FTO: variants seen among roughly 807,000 people sequenced by gnomAD.
The protein encoded by FTO is FTO alpha-ketoglutarate dependent dioxygenase.
Under a neutral mutation model 63.9 loss-of-function variants are expected in FTO, and 47 were observed. The observed-to-expected ratio is 0.74, with a 90% CI of 0.58 to 0.94. The LOEUF (loss-of-function observed/expected upper bound fraction) is 0.94, where lower values mean the gene tolerates loss of function less well. FTO is among the 40% of genes least tolerant of loss of function. FTO has a pLI of 0.00. For synonymous variants in FTO, 207 were observed against 224.4 expected (o/e 0.92, Z 0.69); for missense variants, 562 against 618.1 (o/e 0.91, Z 0.96).
At chr16:54,054,193 C>T (rs982909132) in intron 8 of FTO, among the ~76,000 whole-genome samples, 1 of 152,138 alleles carries the variant, frequency 6.6e-6, no homozygotes, top group African/African-American at 2.4e-5. Flanking sequence ...CTACGAGTCC[C>T]AGGTCTGCGC....
At chr16:54,037,849 A>G (rs181980666) in intron 8 of FTO, among the ~76,000 whole-genome samples, 2 of 152,372 alleles carry the variant, frequency 1.3e-5, no homozygotes, top group East Asian at 1.9e-4. Flanking sequence ...ACGTATGCAT[A>G]TATCAACTAG....
At chr16:53,909,532 CTTTTTTTTTTTTT>C (rs58121446) in intron 7 of FTO, among the ~76,000 whole-genome samples, 1 of 71,184 alleles carries the variant, frequency 1.4e-5, no homozygotes, top group Non-Finnish European at 2.6e-5. Flanking sequence ...AGAGCCCCGC[CTTTTTTTTTTTTT>C]TTTTTTTTTT....
chr16:53,969,416 G>T (rs1213678445), intron 8 of FTO, among the ~76,000 whole-genome samples: 1 of 152,138 alleles, frequency 6.6e-6, no homozygotes, highest in Non-Finnish European at 1.5e-5. Context: ...GCCTTCACTA[G>T]ATCAGACATG....
At chr16:54,055,710 C>G (rs2085415965) in intron 8 of FTO, among the ~76,000 whole-genome samples, 1 of 152,004 alleles carries the variant, frequency 6.6e-6, no homozygotes, top group Admixed American at 6.6e-5. Flanking sequence ...AAATGTATGC[C>G]CATGTCTATT....
At chr16:54,023,804 T>C (rs1183203166) in intron 8 of FTO, among the ~76,000 whole-genome samples, 1 of 152,190 alleles carries the variant, frequency 6.6e-6, no homozygotes, top group African/African-American at 2.4e-5. Flanking sequence ...TTCACCATGG[T>C]CCCACTCTCC....
intron 8 of FTO, among the ~76,000 whole-genome samples, chr16:54,037,214 G>A (rs544258648): frequency 1.3e-5 from 2 of 152,254 alleles, no homozygotes; most frequent in African/African-American, 4.8e-5. Flanking sequence ...AGGCCACCCC[G>A]AGCGAGCATG....
chr16:53,758,142 A>G (rs1045236503), intron 1 of FTO, among the ~76,000 whole-genome samples: 2 of 152,220 alleles, frequency 1.3e-5, no homozygotes, highest in African/African-American at 4.8e-5. Context: ...CTCTCAGTCT[A>G]GAGGAGACAG....
intron 8 of FTO, among the ~76,000 whole-genome samples, chr16:54,061,953 C>A (rs1558687): frequency 6.6e-6 from 1 of 151,790 alleles, no homozygotes; most frequent in East Asian, 1.9e-4. Context: ...AAGTTCCTGG[C>A]GGCAATAAAA....
intron 2 of FTO, among the ~76,000 whole-genome samples, chr16:53,825,164 T>C (rs550022659): frequency 6.6e-5 from 10 of 152,212 alleles, no homozygotes; most frequent in Non-Finnish European, 1.3e-4. Flanking sequence ...AAAATTGCCA[T>C]GGCTTTTGTG....
intron 3 of FTO, among the ~76,000 whole-genome samples, chr16:53,838,370 G>T (rs2079365283): frequency 6.6e-6 from 1 of 152,112 alleles, no homozygotes; most frequent in Non-Finnish European, 1.5e-5. Context: ...GAGTGCAGTG[G>T]CACTATCTTG....
chr16:53,746,386 T>C (rs868838227), intron 1 of FTO, among the ~76,000 whole-genome samples: 2 of 152,284 alleles, frequency 1.3e-5, no homozygotes, highest in East Asian at 1.9e-4. Flanking sequence ...GACAGGTAAC[T>C]TGAGCAAGAC....
Position 54,111,955 on chromosome 16 carries a change from G to A in FTO, c.*40G>A, listed in dbSNP as rs1287405667. 2 of 1,610,988 alleles carry A rather than the reference G, an allele frequency of 1.2e-6. No homozygotes were observed. Among genetic ancestry groups the A allele is most frequent in the Non-Finnish European group, 8.5e-7 (1 of 1,177,760 alleles). Reference sequence around the variant, plus strand: ...TCAGGCGGAGGAGAAAAAGAGATCGGCTTTTCTCCTCCAACGTTGTCATGG... The same window carrying A: ...TCAGGCGGAGGAGAAAAAGAGATCGACTTTTCTCCTCCAACGTTGTCATGG... On this transcript the variant is annotated 3_prime_UTR_variant, in exon 9 of 9. Transcript: ENST00000471389.
intron 1 of FTO, among the ~76,000 whole-genome samples, chr16:53,802,584 G>A (rs984072383): frequency 6.6e-6 from 1 of 151,980 alleles, no homozygotes; most frequent in Non-Finnish European, 1.5e-5. Flanking sequence ...TTAAATCTGT[G>A]GATTGATGGT....
intron 3 of FTO, among the ~76,000 whole-genome samples, chr16:53,838,870 A>G (rs2079383656): frequency 6.6e-6 from 1 of 152,056 alleles, no homozygotes; most frequent in Admixed American, 6.6e-5. Flanking sequence ...ATTTAAATGT[A>G]TGGTGATGAT....
At chr16:53,845,675 T>C (rs1255738623) in intron 4 of FTO, among the ~76,000 whole-genome samples, 4 of 152,216 alleles carry the variant, frequency 2.6e-5, no homozygotes, top group Non-Finnish European at 4.4e-5. Context: ...ACCAAAACAG[T>C]ACTAAGGGCC....
chr16:53,822,721 A>G (rs1348341294), intron 2 of FTO, among the ~76,000 whole-genome samples: 1 of 152,184 alleles, frequency 6.6e-6, no homozygotes, highest in South Asian at 2.1e-4. Context: ...ATATGCATAC[A>G]TATTTTAATA....
intron 1 of FTO, among the ~76,000 whole-genome samples, chr16:53,773,840 A>G (rs369852472): frequency 6.6e-6 from 1 of 152,206 alleles, no homozygotes; most frequent in South Asian, 2.1e-4. Flanking sequence ...AGAATGACAG[A>G]AAAATAAATG....
At chr16:53,924,989 C>T (rs778834874) in intron 7 of FTO, among the ~76,000 whole-genome samples, 2 of 150,952 alleles carry the variant, frequency 1.3e-5, no homozygotes, top group Non-Finnish European at 2.9e-5. Context: ...GACCTGAGAT[C>T]GACCTTTCTT....
chr16:54,009,215 G>A (rs906924550), intron 8 of FTO, among the ~76,000 whole-genome samples: 1 of 152,084 alleles, frequency 6.6e-6, no homozygotes, highest in African/African-American at 2.4e-5. Context: ...AAACTGTGGT[G>A]TTTGAACCTA....
Sources: allele counts gnomAD v4.1 joint callset (sites outside exome capture counted in the v4.1 genomes callset), GRCh38; gene constraint gnomAD v4.1.1; transcripts MANE v1.5; gene names NCBI Gene and HGNC (gene_info 2026-07-23, HGNC 2026-07-21).